Variants in VPS54 observed in about 807,000 individuals in gnomAD.
The protein encoded by VPS54 is vacuolar protein sorting-associated protein 54.
In VPS54, 45 loss-of-function variants were observed where a neutral mutation model predicts 121.5. The ratio of observed to expected loss-of-function variants is 0.37; its 90% CI spans 0.29 to 0.47. VPS54 has a LOEUF of 0.47. Among genes scored for constraint, VPS54 ranks in the 20% least tolerant of loss-of-function variants. The probability of loss-of-function intolerance (pLI) is 0.99; values close to 1 mark genes in which losing one functional copy is unlikely to be tolerated. For synonymous variants in VPS54, 371 were observed against 385.8 expected (o/e 0.96, Z 0.45); for missense variants, 1,090 against 1,131.4 (o/e 0.96, Z 0.52).
intron 16 of VPS54, 104 bp downstream of exon 16, chr2:63,916,796 G>C: frequency 9.0e-7 from 1 of 1,112,172 alleles, no homozygotes; most frequent in Admixed American, 1.9e-5. Flanking sequence ...ATTTAACACT[G>C]TTAAAACTGT....
chr2:63,914,076 CTTAAAG>C (rs1673269939), intron 17 of VPS54, 100 bp downstream of exon 17: 2 of 1,101,772 alleles, frequency 1.8e-6, no homozygotes, highest in Non-Finnish European at 1.3e-6. Context: ...AAACTAATGT[CTTAAAG>C]TTAATTTGAC....
intron 1 of VPS54, among the ~76,000 whole-genome samples, chr2:63,988,265 T>C (rs888423022): frequency 4.6e-5 from 7 of 152,238 alleles, no homozygotes; most frequent in Non-Finnish European, 2.9e-5. Flanking sequence ...TAAGAATCAA[T>C]TGATATGTTT....
intron 3 of VPS54, among the ~76,000 whole-genome samples, chr2:63,978,438 C>G (rs1676649768): frequency 6.6e-6 from 1 of 152,188 alleles, no homozygotes; most frequent in African/African-American, 2.4e-5. Flanking sequence ...ATCCTAGAAC[C>G]AGACCTGTCT....
intron 3 of VPS54, among the ~76,000 whole-genome samples, chr2:63,979,958 A>G (rs1173904553): frequency 2.0e-5 from 3 of 152,206 alleles, no homozygotes; most frequent in Admixed American, 6.5e-5. Context: ...CTTCTATGTT[A>G]TATGGAGTGC....
chr2:63,905,806 C>T (rs1672882500), intron 20 of VPS54, among the ~76,000 whole-genome samples: 1 of 152,100 alleles, frequency 6.6e-6, no homozygotes, highest in African/African-American at 2.4e-5. Context: ...TAGGTTTATC[C>T]TATGAATGCA....
chr2:63,932,454 C>A (rs1674255656), intron 12 of VPS54, among the ~76,000 whole-genome samples: 2 of 151,972 alleles, frequency 1.3e-5, no homozygotes, highest in Admixed American at 6.5e-5. Context: ...GGGAGCTGAA[C>A]AATGAGAACA....
At chr2:63,918,388 C>A (rs1254784164) in intron 15 of VPS54, among the ~76,000 whole-genome samples, 2 of 151,902 alleles carry the variant, frequency 1.3e-5, no homozygotes, top group Non-Finnish European at 2.9e-5. Flanking sequence ...TCATCTAGCA[C>A]AGCACCTCAC....
At position 63,981,890 on chromosome 2, in the gene VPS54, G is replaced by A. The variant is rs1423118577; in HGVS notation, c.137-3C>T. 6.2e-7 allele frequency: 1 copy of A among 1,604,556 alleles called. No individual in the cohort carries two copies. Among genetic ancestry groups the A allele is most frequent in the East Asian group, 2.2e-5 (1 of 44,598 alleles). ...AACATATAAACTATGTGAATCACCT[G>A]CAAAAAGTAAACAAGAGAACTCTGT... On this transcript the variant is annotated splice_polypyrimidine_tract_variant and splice_region_variant and intron_variant, in intron 2 of 22. Coordinates refer to ENST00000272322, the MANE Select transcript of VPS54 (RefSeq NM_016516.3).
intron 22 of VPS54, 43 bp from the exon 23 acceptor site, chr2:63,893,578 CT>C: frequency 3.9e-6 from 6 of 1,544,636 alleles, no homozygotes; most frequent in Non-Finnish European, 4.4e-6. Context: ...CTCAAACTTT[CT>C]ATTCAGATAA....
chr2:63,991,681 T>C (rs1331730785), intron 1 of VPS54, among the ~76,000 whole-genome samples: 1 of 152,128 alleles, frequency 6.6e-6, no homozygotes, highest in Non-Finnish European at 1.5e-5. Flanking sequence ...CTAAGTATGA[T>C]ACAGATGGAA....
intron 12 of VPS54, among the ~76,000 whole-genome samples, chr2:63,931,876 A>T (rs560681506): frequency 6.6e-6 from 1 of 152,390 alleles, no homozygotes; most frequent in East Asian, 1.9e-4. Flanking sequence ...AAAAGAGGAC[A>T]TTTATGTGGC....
At chr2:63,950,545 T>G (rs1444888390) in intron 7 of VPS54, among the ~76,000 whole-genome samples, 3 of 152,202 alleles carry the variant, frequency 2.0e-5, no homozygotes, top group Non-Finnish European at 2.9e-5. Context: ...AAAGCATTAA[T>G]GGCACCAATC....
At chr2:63,911,282 T>G (rs1475331767) in intron 20 of VPS54, among the ~76,000 whole-genome samples, 1 of 152,166 alleles carries the variant, frequency 6.6e-6, no homozygotes, top group Admixed American at 6.5e-5. Context: ...AACTAGAAAC[T>G]AATTTAAATA....
At chr2:63,988,055 G>A (rs1310585012) in intron 1 of VPS54, among the ~76,000 whole-genome samples, 3 of 152,074 alleles carry the variant, frequency 2.0e-5, no homozygotes, top group East Asian at 1.9e-4. Flanking sequence ...CCAATACTAC[G>A]TTGAATAACT....
intron 9 of VPS54, among the ~76,000 whole-genome samples, chr2:63,946,534 T>C (rs1026594501): frequency 6.6e-6 from 1 of 152,114 alleles, no homozygotes; most frequent in Non-Finnish European, 1.5e-5. Flanking sequence ...GATTATAATT[T>C]TTTTGCTTAT....
intron 1 of VPS54, among the ~76,000 whole-genome samples, chr2:64,015,404 T>C (rs1678633963): frequency 2.0e-5 from 3 of 152,172 alleles, no homozygotes; most frequent in African/African-American, 7.2e-5. Flanking sequence ...AAGGTGTTAA[T>C]CTAATTCACC....
intron 12 of VPS54, among the ~76,000 whole-genome samples, chr2:63,924,197 T>C (rs1309917158): frequency 6.6e-6 from 1 of 152,210 alleles, no homozygotes; most frequent in Non-Finnish European, 1.5e-5. Flanking sequence ...AAGCTAACTA[T>C]CTTTCAGTAT....
At chr2:63,969,046 C>G in intron 4 of VPS54, 55 bp from the exon 5 acceptor site, 2 of 1,397,016 alleles carry the variant, frequency 1.4e-6, no homozygotes, top group Non-Finnish European at 2.0e-6. Flanking sequence ...ATTTTAACTC[C>G]GTAAAATACA....
intron 7 of VPS54, among the ~76,000 whole-genome samples, chr2:63,952,441 A>T (rs918634817): frequency 2.6e-5 from 4 of 152,230 alleles, no homozygotes; most frequent in Non-Finnish European, 5.9e-5. Context: ...AAAAACATTT[A>T]AACTATATCC....
Sources: gnomAD v4.1 joint callset for allele counts (sites outside exome capture counted in the v4.1 genomes callset) on GRCh38, gnomAD v4.1.1 for gene constraint, MANE v1.5 for transcripts, NCBI Gene and HGNC (gene_info 2026-07-23, HGNC 2026-07-21) for gene names.